GALNT5: variants seen among roughly 807,000 people sequenced by gnomAD.
GALNT5 encodes UDP-GalNAc:polypeptide N-acetylgalactosaminyltransferase 5.
Under a neutral mutation model 85.4 loss-of-function variants are expected in GALNT5, and 72 were observed. The observed-to-expected ratio is 0.84, with a 90% CI of 0.70 to 1.03. The LOEUF (loss-of-function observed/expected upper bound fraction) is 1.03. GALNT5 is among the 50% of genes least tolerant of loss of function. GALNT5 has a pLI of 0.00. For synonymous variants in GALNT5, 404 were observed against 397.0 expected (o/e 1.02, Z -0.21); for missense variants, 1,137 against 1,135.5 (o/e 1.00, Z -0.02).
intron 3 of GALNT5, among the ~76,000 whole-genome samples, chr2:157,293,730 T>C (rs1174696286): frequency 2.0e-5 from 3 of 152,146 alleles, no homozygotes; most frequent in African/African-American, 4.8e-5. Context: ...AACCAAGTAA[T>C]TAATACGATG....
chr2:157,300,248 T>C (rs1049017819), intron 6 of GALNT5, among the ~76,000 whole-genome samples: 3 of 152,180 alleles, frequency 2.0e-5, no homozygotes, highest in African/African-American at 7.2e-5. Context: ...TGTAAAAGGG[T>C]GTAATTTTGG....
intron 3 of GALNT5, among the ~76,000 whole-genome samples, chr2:157,287,485 A>C (rs965797020): frequency 1.3e-5 from 2 of 151,902 alleles, no homozygotes; most frequent in South Asian, 2.1e-4. Flanking sequence ...TTAAATGTGT[A>C]TTATATCACC....
At chr2:157,307,365 C>T (rs1256662166) in intron 8 of GALNT5, among the ~76,000 whole-genome samples, 1 of 152,210 alleles carries the variant, frequency 6.6e-6, no homozygotes, top group Non-Finnish European at 1.5e-5. Flanking sequence ...TAGATTGAAT[C>T]ATCAAGCTCT....
At chr2:157,264,205 G>A (rs376147567) in intron 1 of GALNT5, among the ~76,000 whole-genome samples, 1 of 144,040 alleles carries the variant, frequency 6.9e-6, no homozygotes, top group African/African-American at 2.6e-5. Context: ...ACACACACAC[G>A]TACACACAGG....
In GALNT5 at chr2:157,314,626, T is replaced by C. The variant is rs1372472481; in HGVS notation, c.*3278T>C. Among the ~76,000 whole-genome samples, 2 of 152,220 alleles carry C rather than the reference T, an allele frequency of 1.3e-5. No homozygotes were observed. The highest frequency in any genetic ancestry group is 2.9e-5 in the Non-Finnish European group (2 of 68,040). ...GGGCAAAGATACCATTTACAGTATA[T>C]AGGAGTCCAATATTCCCAACCAACC... is the stretch of plus-strand genomic sequence containing the variant. On this transcript the variant is annotated 3_prime_UTR_variant, in exon 10 of 10. Coordinates refer to ENST00000259056, the MANE Select transcript of GALNT5 (RefSeq NM_014568.3).
intron 1 of GALNT5, among the ~76,000 whole-genome samples, chr2:157,270,976 C>A (rs902010791): frequency 6.6e-6 from 1 of 151,952 alleles, no homozygotes; most frequent in African/African-American, 2.4e-5. Flanking sequence ...ATTAGCCAGG[C>A]GTGGTGGCAG....
chr2:157,309,876 C>T (rs886428292), intron 9 of GALNT5, among the ~76,000 whole-genome samples: 3 of 151,924 alleles, frequency 2.0e-5, no homozygotes, highest in Admixed American at 1.3e-4. Flanking sequence ...GCATATATGC[C>T]ACTAATTTTA....
chr2:157,278,224 A>T (rs1682780747), intron 1 of GALNT5, among the ~76,000 whole-genome samples: 1 of 152,194 alleles, frequency 6.6e-6, no homozygotes, highest in African/African-American at 2.4e-5. Context: ...TTTGTGGGTA[A>T]GCCAACCTTT....
Position 157,315,482 on chromosome 2 carries a change from G to A in GALNT5, c.*4134G>A, listed in dbSNP as rs932450289. Among the ~76,000 whole-genome samples, 1 of 152,058 alleles carries A rather than the reference G, an allele frequency of 6.6e-6. No homozygotes were observed. Among genetic ancestry groups the A allele is most frequent in the African/African-American group, 2.4e-5 (1 of 41,390 alleles). ...GGTGGGTGCATTTAAAAGTTTCTTGGTCTCAGATTACTGATGCCACAGTAT... is the reference window on the plus strand; with the variant it reads ...GGTGGGTGCATTTAAAAGTTTCTTGATCTCAGATTACTGATGCCACAGTAT... On this transcript the variant is annotated 3_prime_UTR_variant, in exon 10 of 10. Coordinates refer to ENST00000259056, the MANE Select transcript of GALNT5 (RefSeq NM_014568.3).
At chr2:157,275,651 C>T (rs771498410) in intron 1 of GALNT5, among the ~76,000 whole-genome samples, 8 of 152,158 alleles carry the variant, frequency 5.3e-5, no homozygotes, top group Non-Finnish European at 1.0e-4. Flanking sequence ...TATAGGAATG[C>T]TTGTGATTTC....
At chr2:157,285,841 G>C (rs533437932) in intron 2 of GALNT5, among the ~76,000 whole-genome samples, 174 bp from the exon 3 acceptor site, 49 of 152,238 alleles carry the variant, frequency 3.2e-4, no homozygotes, top group African/African-American at 1.2e-3. Context: ...ACTGAAACCA[G>C]ATAGAATCCT....
rs943029904 is a variant in GALNT5, at chr2:157,301,107, G to C, written c.2439+108G>C. ...TAATTACATTATAAATAAACACCAA[G>C]TATGAGCAAAGATGGGACAAAGCAT... is the stretch of plus-strand genomic sequence containing the variant. On this transcript the variant is annotated intron_variant, in intron 7 of 9. Coordinates refer to ENST00000259056, the MANE Select transcript of GALNT5 (RefSeq NM_014568.3). 1.4e-5 allele frequency: 11 copies of C among 769,590 alleles called. No individual in the cohort carries two copies. In the Admixed American group the frequency reaches 2.6e-4, roughly 18 times the overall value. The allele number at this position is 769,590 out of a possible 1,614,324, so 47.7% of individuals were successfully genotyped here. A position where few individuals can be genotyped will look rare whatever the true frequency, so the allele number is the denominator to read the frequency against.
rs1187006963 is a variant in GALNT5, at chr2:157,312,871, G to A, written c.*1523G>A. 6.6e-6 allele frequency: 1 copy of A among 152,008 alleles called. No individual in the cohort carries two copies. Among genetic ancestry groups the A allele is most frequent in the African/African-American group, 2.4e-5 (1 of 41,396 alleles). 9.4% of individuals were successfully genotyped at this position (152,008 alleles called of 1,614,324 possible). A position where few individuals can be genotyped will look rare whatever the true frequency, so the allele number is the denominator to read the frequency against. On this transcript the variant is annotated 3_prime_UTR_variant, in exon 10 of 10. Transcript: ENST00000259056. ...AACCATACTATATTCTTGTTAATAT[G>A]TTTTTTCTTTTTTTAAATTTAAACT...
rs188001467 is a variant in GALNT5, at chr2:157,309,013, A to C, written c.2682+285A>C. Among the ~76,000 whole-genome samples the C allele has an allele frequency of 5.9e-5, 9 of 152,286 alleles. No individual in the cohort carries two copies. The East Asian group carries it at 1.7e-3, about 29-fold the overall frequency. On this transcript the variant is annotated intron_variant, in intron 9 of 9. Coordinates refer to ENST00000259056, the MANE Select transcript of GALNT5 (RefSeq NM_014568.3). ...TTGCTTCAGTCAATCAACAACACCGAAAGTCAGGCTTAAAGGCTAGAACTG... is the reference window on the plus strand; with the variant it reads ...TTGCTTCAGTCAATCAACAACACCGCAAGTCAGGCTTAAAGGCTAGAACTG...
At position 157,286,124 on chromosome 2, in the gene GALNT5, G is replaced by A. The variant is rs1471023277; in HGVS notation, c.1731G>A (p.Gln577=). ...GLIRARLAGA[Q]NATGDVLTFL... is the part of the protein sequence containing the mutation. ...TAAGGGCCAGGCTGGCAGGAGCACA[G>A]AATGCAACAGGTAAGAAGTTACTCA... Residue 577 remains glutamine, a synonymous_variant, in exon 3 of 10, where the codon CAG becomes CAA. Coordinates refer to ENST00000259056, the MANE Select transcript of GALNT5 (RefSeq NM_014568.3). 1.9e-6 allele frequency: 3 copies of A among 1,613,108 alleles called. No individual in the cohort carries two copies. The highest frequency in any genetic ancestry group is 1.7e-5 in the Admixed American group (1 of 59,920).
rs574513834 is a variant in GALNT5 at position 157,272,928 on chromosome 2, T to G, written c.1455-11354T>G. 1.3e-3 allele frequency among the ~76,000 whole-genome samples: 193 copies of G among 152,318 alleles called. 1 individual carries two copies. The highest frequency in any genetic ancestry group is 4.4e-3 in the African/African-American group (182 of 41,566). ...TCTGTGTTAAGTTCTTTGAGATACC[T>G]CCAAACTGCCTTCTACAGTGGCTAA... On this transcript the variant is annotated intron_variant, in intron 1 of 9. Coordinates refer to ENST00000259056, the MANE Select transcript of GALNT5 (RefSeq NM_014568.3).
intron 1 of GALNT5, among the ~76,000 whole-genome samples, chr2:157,268,358 C>G (rs979074945): frequency 6.6e-6 from 1 of 152,288 alleles, no homozygotes; most frequent in African/African-American, 2.4e-5. Context: ...AATGGTTGAG[C>G]ACTTGATAGA....
intron 5 of GALNT5, 86 bp from the exon 6 acceptor site, chr2:157,299,462 C>A: frequency 1.3e-6 from 1 of 780,314 alleles, no homozygotes; most frequent in Non-Finnish European, 2.2e-6. Flanking sequence ...AGCCTCCTAC[C>A]TCCCGTACAG....
At chr2:157,306,733 T>C (rs1330309948) in intron 8 of GALNT5, among the ~76,000 whole-genome samples, 1 of 152,236 alleles carries the variant, frequency 6.6e-6, no homozygotes, top group Non-Finnish European at 1.5e-5. Flanking sequence ...ATACTGTTTA[T>C]ATTTTTTGGT....
Sources: gnomAD v4.1 joint callset for allele counts (sites outside exome capture counted in the v4.1 genomes callset) on GRCh38, gnomAD v4.1.1 for gene constraint, MANE v1.5 for transcripts, NCBI Gene and HGNC (gene_info 2026-07-23, HGNC 2026-07-21) for gene names.